WDR25: variants seen among roughly 807,000 people sequenced by gnomAD.
WDR25 encodes the protein WD repeat domain 25, also known as WD repeat-containing protein 25.
A neutral mutation model predicts 47.7 loss-of-function variants in WDR25; 35 were observed. That is an observed-to-expected ratio of 0.73 (90% CI 0.56 to 0.97). The LOEUF (loss-of-function observed/expected upper bound fraction) is 0.97, where lower values mean the gene tolerates loss of function less well. Among genes scored for constraint, WDR25 ranks in the 50% least tolerant of loss-of-function variants. The probability of loss-of-function intolerance (pLI) is 0.00; values close to 1 mark genes in which losing one functional copy is unlikely to be tolerated. For missense variants in WDR25, 634 were observed against 704.7 expected (o/e 0.90, Z 1.14); for synonymous variants, 248 against 278.9 (o/e 0.89, Z 1.10).
Position 100,477,750 on chromosome 14 carries a change from G to C in WDR25, c.971-6244G>C, listed in dbSNP as rs1358436775. Among the ~76,000 whole-genome samples, 5 of 152,306 alleles carry C rather than the reference G, an allele frequency of 3.3e-5. No individual in the cohort carries two copies. In the East Asian group the frequency reaches 9.6e-4, roughly 29 times the overall value. ...GGGCGTTGTATTTTCAAAGCCTCATGAGAAAAGCTGAAAAAGCATTAATCT... is the reference window on the plus strand; with the variant it reads ...GGGCGTTGTATTTTCAAAGCCTCATCAGAAAAGCTGAAAAAGCATTAATCT... On this transcript the variant is annotated intron_variant, in intron 3 of 6. Coordinates refer to ENST00000402312, the MANE Select transcript of WDR25 (RefSeq NM_001161476.3).
At chr14:100,465,563 T>C (rs1458153642) in intron 2 of WDR25, among the ~76,000 whole-genome samples, 1 of 152,268 alleles carries the variant, frequency 6.6e-6, no homozygotes, top group Non-Finnish European at 1.5e-5. Context: ...GGCTGAATAC[T>C]ATTCCACTGT....
chr14:100,511,197 A>C (rs1282029075), intron 4 of WDR25, among the ~76,000 whole-genome samples: 4 of 152,102 alleles, frequency 2.6e-5, no homozygotes, highest in Non-Finnish European at 5.9e-5. Context: ...GAAGTCTTTA[A>C]TTTTTCTCAC....
chr14:100,520,865 C>T (rs1566947236), intron 4 of WDR25, among the ~76,000 whole-genome samples: 1 of 152,196 alleles, frequency 6.6e-6, no homozygotes, highest in Non-Finnish European at 1.5e-5. Flanking sequence ...GACTGAAGAA[C>T]AGACGGAAGT....
intron 2 of WDR25, among the ~76,000 whole-genome samples, chr14:100,457,293 TAAAAG>T (rs1899236723): frequency 6.6e-6 from 1 of 152,026 alleles, no homozygotes; most frequent in African/African-American, 2.4e-5. Context: ...GAAAAAAACT[TAAAAG>T]TAACCAGAAG....
At chr14:100,464,230 C>T (rs1233393110) in intron 2 of WDR25, among the ~76,000 whole-genome samples, 2 of 152,154 alleles carry the variant, frequency 1.3e-5, no homozygotes, top group African/African-American at 2.4e-5. Context: ...GAAGCTTCTT[C>T]CCTCAATTTC....
At chr14:100,472,147 T>G (rs570486687) in intron 3 of WDR25, among the ~76,000 whole-genome samples, 42 of 152,342 alleles carry the variant, frequency 2.8e-4, no homozygotes, top group Admixed American at 5.2e-4. Flanking sequence ...TGTAGAGGCA[T>G]GCAGGGCCTC....
chr14:100,384,741 C>G (rs1440884125), intron 2 of WDR25, among the ~76,000 whole-genome samples: 1 of 152,016 alleles, frequency 6.6e-6, no homozygotes, highest in Non-Finnish European at 1.5e-5. Flanking sequence ...GCGGGTGCAG[C>G]AGTACACCCT....
Position 100,430,540 on chromosome 14 carries a change from A to G in WDR25, c.823-37481A>G, listed in dbSNP as rs1157548677. On this transcript the variant is annotated intron_variant, in intron 2 of 6. Coordinates refer to ENST00000402312, the MANE Select transcript of WDR25 (RefSeq NM_001161476.3). This position sits in a 1 kb window ranked among gnomAD's most constrained non-coding sequence, Gnocchi z 4.7. ...GCTCACTCATTGGGTGTTGGATTTA[A>G]TTAAAATAACGGCTAGTCTTGATGT... 1.3e-5 allele frequency among the ~76,000 whole-genome samples: 2 copies of G among 152,198 alleles called. No individual in the cohort carries two copies.
intron 2 of WDR25, among the ~76,000 whole-genome samples, chr14:100,397,670 G>T (rs1595498936): frequency 6.6e-6 from 1 of 152,280 alleles, no homozygotes; most frequent in Non-Finnish European, 1.5e-5. Context: ...TAGAGGATGG[G>T]TAGCCATTGC....
intron 2 of WDR25, among the ~76,000 whole-genome samples, chr14:100,384,446 C>A (rs1896974493): frequency 1.3e-5 from 2 of 152,198 alleles, no homozygotes; most frequent in African/African-American, 4.8e-5. Context: ...CAGGCAGGAG[C>A]TGTGGCCAGA....
At chr14:100,390,769 AGCG>A (rs1897126591) in intron 2 of WDR25, among the ~76,000 whole-genome samples, 1 of 152,132 alleles carries the variant, frequency 6.6e-6, no homozygotes. Flanking sequence ...GGGGCTGTGT[AGCG>A]CTCAGTGTCT....
At chr14:100,398,980 T>G (rs1897318091) in intron 2 of WDR25, among the ~76,000 whole-genome samples, 1 of 151,568 alleles carries the variant, frequency 6.6e-6, no homozygotes, top group Non-Finnish European at 1.5e-5. Context: ...AGCAGAAGAT[T>G]TGCACCTTAA....
At chr14:100,495,255 G>C (rs1595146046) in intron 4 of WDR25, among the ~76,000 whole-genome samples, 1 of 152,344 alleles carries the variant, frequency 6.6e-6, no homozygotes, top group African/African-American at 2.4e-5. Flanking sequence ...TACTTGGGAG[G>C]CTGAGGCAGG....
At chr14:100,490,926 C>T (rs78336960) in intron 4 of WDR25, among the ~76,000 whole-genome samples, 3,748 of 152,292 alleles carry the variant, frequency 0.025, 160 homozygotes, top group African/African-American at 0.076. Flanking sequence ...TTCCACAGTC[C>T]TGACTAAGCT....
chr14:100,467,358 C>G (rs1484121911), intron 2 of WDR25, among the ~76,000 whole-genome samples: 1 of 151,722 alleles, frequency 6.6e-6, no homozygotes, highest in African/African-American at 2.4e-5. Context: ...GCAGGCGAGC[C>G]TGGGATAAGA....
Position 100,381,557 on chromosome 14 carries a change from C to T in WDR25, c.633C>T (p.Leu211=), listed in dbSNP as rs1896899640. ...GPPAGRAPAP[L]YVGPGVSEFI... ...CTGCAGGGCGTGCCCCAGCCCCTCT[C>T]TACGTGGGCCCGGGAGTGTCTGAGT... Residue 211 remains leucine (L), a synonymous_variant, in exon 2 of 7, where the codon CTC becomes CTT. Transcript: ENST00000402312. 1.2e-6 allele frequency: 2 copies of T among 1,609,910 alleles called. No individual in the cohort carries two copies. The highest frequency in any genetic ancestry group is 2.2e-5 in the South Asian group (2 of 90,812).
chr14:100,519,132 A>G (rs1901608943), intron 4 of WDR25, among the ~76,000 whole-genome samples: 1 of 152,190 alleles, frequency 6.6e-6, no homozygotes, highest in Non-Finnish European at 1.5e-5. Context: ...CTCATCTGCC[A>G]TACTGGTCTT....
rs561694454 is a variant in WDR25, at chr14:100,376,550, C to G, written c.-16+55C>G. 3.2e-6 allele frequency: 4 copies of G among 1,231,866 alleles called. No homozygotes were observed. The African/African-American group carries it at 4.6e-5, about 14-fold the overall frequency. The allele number at this position is 1,231,866 out of a possible 1,614,324, so 76.3% of individuals were successfully genotyped here. A position where few individuals can be genotyped will look rare whatever the true frequency, so the allele number is the denominator to read the frequency against. ...TGGAGGGGCCGGGACTGGGCAGCGC[C>G]TAAAGCGCCCCGTGCCGCTTAACGC... is the stretch of plus-strand genomic sequence containing the variant. On this transcript the variant is annotated intron_variant, in intron 1 of 6. Coordinates refer to ENST00000402312, the MANE Select transcript of WDR25 (RefSeq NM_001161476.3).
At chr14:100,464,167 T>G (rs1899522970) in intron 2 of WDR25, among the ~76,000 whole-genome samples, 1 of 152,186 alleles carries the variant, frequency 6.6e-6, no homozygotes, top group South Asian at 2.1e-4. Context: ...CTAGCTGCAG[T>G]GGCCCTTCTT....
Sources: allele counts gnomAD v4.1 joint callset (sites outside exome capture counted in the v4.1 genomes callset), GRCh38; gene constraint gnomAD v4.1.1; non-coding constraint Gnocchi (gnomAD v3.1); transcripts MANE v1.5; gene names NCBI Gene and HGNC (gene_info 2026-07-23, HGNC 2026-07-21).